ROBO2: variants seen among roughly 807,000 people sequenced by gnomAD.
ROBO2 encodes roundabout homolog 2.
ROBO2 carries 53 observed loss-of-function variants against 160.8 expected under a neutral mutation model. The ratio of observed to expected loss-of-function variants is 0.33; its 90% CI spans 0.26 to 0.41. ROBO2 has a LOEUF of 0.41. Among genes scored for constraint, ROBO2 ranks in the 10% least tolerant of loss-of-function variants. ROBO2 has a pLI of 1.00. For synonymous variants in ROBO2, 664 were observed against 611.7 expected, an observed-to-expected ratio of 1.09 and a Z score of -1.26; for missense variants, 1,577 against 1,722.4, an observed-to-expected ratio of 0.92 and a Z score of 1.49.
At chr3:77,476,914 G>A (rs12634489) in intron 2 of ROBO2, among the ~76,000 whole-genome samples, 18,929 of 152,112 alleles carry the variant, frequency 0.12, 1,221 homozygotes, top group East Asian at 0.17. Context: ...CTTCTGAAGT[G>A]TAATGAAAAC....
chr3:76,831,538 T>C (rs2067095617), intron 2 of ROBO2, among the ~76,000 whole-genome samples: 1 of 152,206 alleles, frequency 6.6e-6, no homozygotes, highest in Non-Finnish European at 1.5e-5. Context: ...TTCAGCTCCA[T>C]TAAAATTTTC....
intron 2 of ROBO2, among the ~76,000 whole-genome samples, chr3:76,049,563 A>G (rs987597234): frequency 2.0e-5 from 3 of 151,498 alleles, no homozygotes; most frequent in African/African-American, 7.3e-5. Flanking sequence ...CCTTTAGTGT[A>G]TATGTATTAA....
intron 2 of ROBO2, among the ~76,000 whole-genome samples, chr3:77,258,074 C>T (rs1265305617): frequency 3.9e-5 from 6 of 152,338 alleles, no homozygotes; most frequent in Admixed American, 3.9e-4. Flanking sequence ...TGGTGAGACA[C>T]ATTTCCTTGT....
At chr3:77,306,073 G>A (rs1049869089) in intron 2 of ROBO2, among the ~76,000 whole-genome samples, 6 of 151,836 alleles carry the variant, frequency 4.0e-5, no homozygotes, top group African/African-American at 1.5e-4. Context: ...AGTAACAATA[G>A]AAAGAAAAAT....
intron 2 of ROBO2, among the ~76,000 whole-genome samples, chr3:76,489,741 A>G (rs762853726): frequency 6.6e-6 from 1 of 152,124 alleles, no homozygotes; most frequent in Non-Finnish European, 1.5e-5. Flanking sequence ...AATTAAACCA[A>G]TTATAAAAGC....
At chr3:76,385,169 A>G (rs1266156528) in intron 2 of ROBO2, among the ~76,000 whole-genome samples, 2 of 151,940 alleles carry the variant, frequency 1.3e-5, no homozygotes, top group African/African-American at 4.8e-5. Flanking sequence ...TAACTTTTGT[A>G]ATTTTTATAG....
intron 1 of ROBO2, among the ~76,000 whole-genome samples, chr3:77,064,091 G>A (rs1031216390): frequency 2.0e-5 from 3 of 152,106 alleles, no homozygotes; most frequent in Non-Finnish European, 4.4e-5. Context: ...AAGCTATAAT[G>A]TCATAAAAGG....
chr3:76,818,584 A>G (rs1254564724), intron 2 of ROBO2, among the ~76,000 whole-genome samples: 1 of 151,964 alleles, frequency 6.6e-6, no homozygotes, highest in Non-Finnish European at 1.5e-5. Flanking sequence ...CCAGTATTTA[A>G]AAGGGTTTTT....
chr3:76,358,652 G>T (rs1004288591), intron 2 of ROBO2, among the ~76,000 whole-genome samples: 1 of 151,876 alleles, frequency 6.6e-6, no homozygotes, highest in African/African-American at 2.4e-5. Flanking sequence ...AATTGACAAC[G>T]AGTAATTACA....
At chr3:76,398,595 A>G (rs1299104963) in intron 2 of ROBO2, among the ~76,000 whole-genome samples, 1 of 151,720 alleles carries the variant, frequency 6.6e-6, no homozygotes, top group Non-Finnish European at 1.5e-5. Flanking sequence ...ATTTTCACAC[A>G]CTGTTGCACC....
chr3:76,057,453 T>C (rs73842927), intron 2 of ROBO2, among the ~76,000 whole-genome samples: 3,119 of 152,320 alleles, frequency 0.02, 44 homozygotes, highest in East Asian at 0.081. Flanking sequence ...AGAATATTTC[T>C]ATATTTACTT....
At chr3:76,155,587 A>C (rs1373941148) in intron 2 of ROBO2, among the ~76,000 whole-genome samples, 2 of 152,156 alleles carry the variant, frequency 1.3e-5, no homozygotes, top group Non-Finnish European at 2.9e-5. Flanking sequence ...GAGGGAGAGG[A>C]GGAGATGTGA....
intron 4 of ROBO2, among the ~76,000 whole-genome samples, chr3:77,487,492 A>C (rs1054512499): frequency 6.6e-6 from 1 of 152,214 alleles, no homozygotes; most frequent in Non-Finnish European, 1.5e-5. Flanking sequence ...CTAGCCAAAA[A>C]GAAACTAATG....
intron 2 of ROBO2, among the ~76,000 whole-genome samples, chr3:77,111,177 T>A (rs1477696364): frequency 6.6e-6 from 1 of 152,108 alleles, no homozygotes; most frequent in Non-Finnish European, 1.5e-5. Flanking sequence ...AGGGAGAACA[T>A]ACTTGCAAAC....
chr3:77,116,167 G>A (rs118138495), intron 2 of ROBO2, among the ~76,000 whole-genome samples: 2,735 of 152,286 alleles, frequency 0.018, 45 homozygotes, highest in South Asian at 0.07. Context: ...AGCGTAGTGC[G>A]TCTAATCTCC....
intron 2 of ROBO2, among the ~76,000 whole-genome samples, chr3:76,758,750 G>A (rs1345199555): frequency 2.0e-5 from 3 of 151,838 alleles, no homozygotes; most frequent in African/African-American, 4.8e-5. Context: ...GCTACTGGCA[G>A]ACATTATTGT....
At chr3:77,646,106 C>T (rs1373468768) in exon 26 of ROBO2, 13 of 1,476,728 alleles carry the variant, frequency 8.8e-6, no homozygotes, top group African/African-American at 2.8e-5. Flanking sequence ...CAGGTCCGGA[C>T]TCATGGAAGT....
chr3:77,571,826 A>C lies in ROBO2; in HGVS notation c.1972-2673A>C, dbSNP rs144434825. On this transcript the variant is annotated intron_variant, in intron 13 of 25. Transcript: ENST00000461745. ...GTGAGGTAGAACACACATCCAGTAAAAATCTCACCTATTTTTTTTAAAGTA... is the reference window on the plus strand; with the variant it reads ...GTGAGGTAGAACACACATCCAGTAACAATCTCACCTATTTTTTTTAAAGTA... Among the ~76,000 whole-genome samples the C allele has an allele frequency of 5.7e-4, 87 of 152,022 alleles. 1 individual carries two copies. The East Asian group carries it at 0.012, about 20-fold the overall frequency.
chr3:75,987,220 A>T (rs992233123), intron 2 of ROBO2, among the ~76,000 whole-genome samples: 5 of 151,910 alleles, frequency 3.3e-5, no homozygotes, highest in African/African-American at 9.7e-5. Flanking sequence ...TCCGTTTATT[A>T]ATGTCTTCCA....
Sources: allele counts gnomAD v4.1 joint callset (sites outside exome capture counted in the v4.1 genomes callset), GRCh38; gene constraint gnomAD v4.1.1; transcripts MANE v1.5; gene names NCBI Gene and HGNC (gene_info 2026-07-23, HGNC 2026-07-21).